Variants in GMDS observed in about 807,000 individuals in gnomAD.
GMDS encodes GDP-mannose 4,6 dehydratase.
In GMDS, 20 loss-of-function variants were observed where a neutral mutation model predicts 49.9. The observed-to-expected ratio is 0.40, with a 90% confidence interval of 0.28 to 0.58. GMDS has a LOEUF of 0.58. GMDS is among the 20% of genes least tolerant of loss of function. GMDS has a pLI of 0.42. For synonymous variants in GMDS, 177 were observed against 178.6 expected (o/e 0.99, Z 0.07); for missense variants, 362 against 481.4 (o/e 0.75, Z 2.32).
chr6:2,095,526 T>G (rs1773546408), intron 4 of GMDS, among the ~76,000 whole-genome samples: 1 of 152,132 alleles, frequency 6.6e-6, no homozygotes. Context: ...AGAATCTCAG[T>G]GGTGAGAAAG....
chr6:1,687,406 C>A (rs1765013578), intron 9 of GMDS, among the ~76,000 whole-genome samples: 1 of 152,192 alleles, frequency 6.6e-6, no homozygotes, highest in Non-Finnish European at 1.5e-5. Flanking sequence ...TGCCTAAGAT[C>A]AGACAGGTGG....
chr6:2,109,238 T>C (rs750725452), intron 4 of GMDS, among the ~76,000 whole-genome samples: 10 of 152,188 alleles, frequency 6.6e-5, no homozygotes, highest in African/African-American at 1.2e-4. Flanking sequence ...CTTTCCCCCA[T>C]GCCCACTGCA....
rs1040680497 is a variant in GMDS, at chr6:1,778,707, T to G, written c.772-36121A>C. 2.6e-5 allele frequency among the ~76,000 whole-genome samples: 4 copies of G among 152,094 alleles called. No individual in the cohort carries two copies. The highest frequency in any genetic ancestry group is 9.7e-5 in the African/African-American group (4 of 41,368). ...TTTTGTCTGTCACTGGAGGGAACTT[T>G]CCCTTCCTGCCAGCCAGGAAAAAGC... On this transcript the variant is annotated intron_variant, in intron 7 of 10. Coordinates refer to ENST00000380815, the MANE Select transcript of GMDS (RefSeq NM_001500.4). This position sits in a 1 kb window ranked among gnomAD's most constrained non-coding sequence, Gnocchi z 4.6.
intron 4 of GMDS, among the ~76,000 whole-genome samples, chr6:2,025,683 A>G (rs1238379864): frequency 2.0e-5 from 3 of 152,184 alleles, no homozygotes; most frequent in Non-Finnish European, 2.9e-5. Context: ...GGGTCTATAA[A>G]TGAATGAATA....
chr6:2,011,471 A>G (rs763135011), intron 4 of GMDS, among the ~76,000 whole-genome samples: 1 of 152,242 alleles, frequency 6.6e-6, no homozygotes, highest in Non-Finnish European at 1.5e-5. Context: ...AAAAGAAACA[A>G]TTATATAAAA....
chr6:1,779,221 G>A (rs530552199), intron 7 of GMDS, among the ~76,000 whole-genome samples: 1 of 152,272 alleles, frequency 6.6e-6, no homozygotes, highest in East Asian at 1.9e-4. Context: ...TCAGAGGAGG[G>A]TCTTTCATCC....
At chr6:1,798,689 C>T (rs531329178) in intron 7 of GMDS, among the ~76,000 whole-genome samples, 4 of 152,142 alleles carry the variant, frequency 2.6e-5, no homozygotes, top group South Asian at 2.1e-4. Flanking sequence ...GTCCTCCAAG[C>T]GAATGTCCCC....
At position 1,855,452 on chromosome 6, in the gene GMDS, C is replaced by G. The variant is rs143092340; in HGVS notation, c.771+74651G>C. Among the ~76,000 whole-genome samples, 883 of 152,264 alleles carry G rather than the reference C, an allele frequency of 5.8e-3. 11 individuals carry two copies. The highest frequency in any genetic ancestry group is 0.02 in the African/African-American group (836 of 41,544). On this transcript the variant is annotated intron_variant, in intron 7 of 10. Transcript: ENST00000380815. ...CTGGCCAAGGATTTTTCAGTTAACA[C>G]TAAACAGAACAGAGTTCTATTCTAG... is the stretch of plus-strand genomic sequence containing the variant.
intron 9 of GMDS, among the ~76,000 whole-genome samples, chr6:1,650,741 A>T (rs1349173629): frequency 2.0e-5 from 3 of 150,696 alleles, no homozygotes; most frequent in African/African-American, 7.3e-5. Context: ...TGCCTGGCTA[A>T]TTTTTTTTTG....
chr6:2,130,589 T>C (rs1422894076), intron 1 of GMDS, among the ~76,000 whole-genome samples: 2 of 152,178 alleles, frequency 1.3e-5, no homozygotes, highest in African/African-American at 4.8e-5. Flanking sequence ...CCTTCTAGTA[T>C]TGGGTGATGA....
rs542698999 is a variant in GMDS, at chr6:1,988,823, T to A, written c.346-27857A>T. ...TTGTTAGCTAGCTTTGAGAGATGAA[T>A]AGGATATAGATAAATGGTTTGGAAA... On this transcript the variant is annotated intron_variant, in intron 4 of 10. Transcript: ENST00000380815. Among the ~76,000 whole-genome samples, 4 of 145,152 alleles carry A rather than the reference T, an allele frequency of 2.8e-5. No homozygotes were observed. The South Asian group carries it at 8.7e-4, about 32-fold the overall frequency.
chr6:1,929,100 T>C (rs1762165577), intron 7 of GMDS, among the ~76,000 whole-genome samples: 1 of 152,266 alleles, frequency 6.6e-6, no homozygotes, highest in Non-Finnish European at 1.5e-5. Context: ...CACACATTTT[T>C]TATTGTTATG....
chr6:2,113,633 C>T (rs922075492), intron 4 of GMDS, among the ~76,000 whole-genome samples: 3 of 152,044 alleles, frequency 2.0e-5, no homozygotes, highest in African/African-American at 7.2e-5. Flanking sequence ...ACACCAGAGC[C>T]AGTGTCGGTT....
intron 7 of GMDS, among the ~76,000 whole-genome samples, chr6:1,914,879 C>T (rs918301373): frequency 1.3e-5 from 2 of 152,204 alleles, no homozygotes; most frequent in Admixed American, 1.3e-4. Context: ...GTGCTAGGCC[C>T]TCTCTCCCAC....
chr6:1,740,068 TAAACA>T (rs1224150720), intron 8 of GMDS, among the ~76,000 whole-genome samples: 1 of 152,168 alleles, frequency 6.6e-6, no homozygotes, highest in Non-Finnish European at 1.5e-5. Context: ...ACAGAGAACA[TAAACA>T]AAAGTGCACA....
Position 1,898,101 on chromosome 6 carries a change from T to C in GMDS, c.771+32002A>G, listed in dbSNP as rs9501781. Among the ~76,000 whole-genome samples the C allele has an allele frequency of 9.9e-3, 236 of 23,952 alleles. 4 individuals carry two copies. The highest frequency in any genetic ancestry group is 0.041 in the East Asian group (47 of 1,140). 15.7% of individuals were successfully genotyped at this position (23,952 alleles called of 152,430 possible). ...CCTCCCTTGCCATCCTGGACACCTA[T>C]CCTGGCCTCCCTTGCCATCCTGGAC... On this transcript the variant is annotated intron_variant, in intron 7 of 10. Transcript: ENST00000380815.
rs1388495933 is a variant in GMDS at position 1,872,660 on chromosome 6, T to C, written c.771+57443A>G. 2.0e-5 allele frequency among the ~76,000 whole-genome samples: 3 copies of C among 152,250 alleles called. No individual in the cohort carries two copies. The South Asian group carries it at 6.2e-4, about 31-fold the overall frequency. ...ACAAATTATTTAACTCAGTTGATCCTAATAAGTCAAAGAGCAAGCAATTAG... is the reference window on the plus strand; with the variant it reads ...ACAAATTATTTAACTCAGTTGATCCCAATAAGTCAAAGAGCAAGCAATTAG... On this transcript the variant is annotated intron_variant, in intron 7 of 10. Transcript: ENST00000380815.
At chr6:1,923,567 C>A (rs1761834198) in intron 7 of GMDS, among the ~76,000 whole-genome samples, 1 of 152,196 alleles carries the variant, frequency 6.6e-6, no homozygotes, top group African/African-American at 2.4e-5. Flanking sequence ...TTGAGCGCAG[C>A]AGGCTGAGTA....
chr6:2,068,260 G>A (rs1332841173), intron 4 of GMDS, among the ~76,000 whole-genome samples: 3 of 151,878 alleles, frequency 2.0e-5, no homozygotes, highest in Admixed American at 6.6e-5. Context: ...TTGATGGGAC[G>A]TATTTCAAAA....
Sources: gnomAD v4.1 joint callset for allele counts (sites outside exome capture counted in the v4.1 genomes callset) on GRCh38, gnomAD v4.1.1 for gene constraint, Gnocchi (gnomAD v3.1) non-coding constraint, MANE v1.5 for transcripts, NCBI Gene and HGNC (gene_info 2026-07-23, HGNC 2026-07-21) for gene names.